KIAA0825: variants seen among roughly 807,000 people sequenced by gnomAD.
The protein encoded by KIAA0825 is KIAA0825, also known as uncharacterized protein KIAA0825.
In KIAA0825, 119 loss-of-function variants were observed where a neutral mutation model predicts 147.6. The observed-to-expected ratio is 0.81, with a 90% confidence interval of 0.69 to 0.94. KIAA0825 has a LOEUF of 0.94. Among genes scored for constraint, KIAA0825 ranks in the 40% least tolerant of loss-of-function variants. KIAA0825 has a pLI of 0.00. For synonymous variants in KIAA0825, 470 were observed against 518.1 expected (o/e 0.91, Z 1.26); for missense variants, 1,381 against 1,472.7 (o/e 0.94, Z 1.02).
At chr5:94,265,788 G>A (rs1179935131) in intron 20 of KIAA0825, among the ~76,000 whole-genome samples, 2 of 152,116 alleles carry the variant, frequency 1.3e-5, no homozygotes, top group Non-Finnish European at 2.9e-5. Context: ...GTGACAGGGC[G>A]AGACTCCATC....
At chr5:94,610,265 C>T (rs1463698354) in intron 1 of KIAA0825, among the ~76,000 whole-genome samples, 1 of 149,534 alleles carries the variant, frequency 6.7e-6, no homozygotes, top group Admixed American at 6.7e-5. Context: ...ACTAAAAATA[C>T]AAAAATTAGC....
chr5:94,434,022 G>A (rs1284442096), intron 14 of KIAA0825, among the ~76,000 whole-genome samples: 1 of 152,024 alleles, frequency 6.6e-6, no homozygotes, highest in African/African-American at 2.4e-5. Flanking sequence ...AATTGCCTTG[G>A]GTGTCAAAAG....
intron 20 of KIAA0825, among the ~76,000 whole-genome samples, chr5:94,250,816 T>C (rs1775918075): frequency 1.3e-5 from 2 of 152,170 alleles, no homozygotes; most frequent in African/African-American, 4.8e-5. Flanking sequence ...AAGACATTTC[T>C]ACATATCCAA....
chr5:94,391,537 C>A lies in KIAA0825; in HGVS notation c.3454G>T (p.Glu1152Ter), dbSNP rs1207843276. ...CGATAAAAAGGCCGTTTCCCTACCT[C>A]ATTGAGCTGCATGATGTGATAAATT... ...RQIYHIMQLN[E>*]EYLKEQLFSM... Residue 1152 changes from glutamate (E) to a stop codon, truncating the protein, a stop_gained and splice_region_variant, in exon 18 of 21, where the codon GAG becomes TAG. Coordinates refer to ENST00000682413, the MANE Select transcript of KIAA0825 (RefSeq NM_001145678.3). LOFTEE classifies it high-confidence loss of function. 1.3e-6 allele frequency: 2 copies of A among 1,549,700 alleles called. No individual in the cohort carries two copies. Among genetic ancestry groups the A allele is most frequent in the East Asian group, 2.4e-5 (1 of 40,918 alleles).
intron 2 of KIAA0825, among the ~76,000 whole-genome samples, chr5:94,551,458 A>C (rs1475118645): frequency 6.6e-6 from 1 of 152,114 alleles, no homozygotes; most frequent in Non-Finnish European, 1.5e-5. Context: ...AATTCTAAAA[A>C]CGGCAAGAGA....
At chr5:94,569,144 T>C (rs57415386) in intron 2 of KIAA0825, 79,870 of 183,106 alleles carry the variant, frequency 0.44, 18,199 homozygotes, top group African/African-American at 0.51. Context: ...CCATCATATT[T>C]TTTTACCCAT....
chr5:94,503,988 T>A (rs1358027225), intron 5 of KIAA0825, among the ~76,000 whole-genome samples: 1 of 152,082 alleles, frequency 6.6e-6, no homozygotes, highest in African/African-American at 2.4e-5. Flanking sequence ...AGAACAATGA[T>A]CATAGACATG....
chr5:94,307,694 C>T (rs1778836609), intron 20 of KIAA0825, among the ~76,000 whole-genome samples: 1 of 151,722 alleles, frequency 6.6e-6, no homozygotes, highest in Non-Finnish European at 1.5e-5. Context: ...TCAAATTCTA[C>T]TTCTTCCCAG....
At chr5:94,465,381 G>A (rs1354013527) in intron 10 of KIAA0825, among the ~76,000 whole-genome samples, 1 of 152,140 alleles carries the variant, frequency 6.6e-6, no homozygotes, top group East Asian at 1.9e-4. Context: ...AGCCATGCTA[G>A]CTTGTTTAAG....
chr5:94,219,062 T>C (rs1773454138), intron 20 of KIAA0825, among the ~76,000 whole-genome samples: 2 of 152,284 alleles, frequency 1.3e-5, no homozygotes, highest in Middle Eastern at 6.8e-3. Flanking sequence ...ACTGGTTTTG[T>C]AGAAGACAAT....
At position 94,465,004 on chromosome 5, in the gene KIAA0825, T is replaced by C. The variant is rs1386894963; in HGVS notation, c.1928A>G (p.His643Arg). 1.3e-6 allele frequency: 2 copies of C among 1,551,574 alleles called. No homozygotes were observed. The highest frequency in any genetic ancestry group is 2.7e-5 in the African/African-American group (2 of 73,060). The change falls in exon 11 of 21, where the codon CAT (histidine) becomes CGT (arginine). Residue 643 changes from histidine (H) to arginine (R), a missense_variant. His to Arg is a conservative substitution (Grantham distance 29). Coordinates refer to ENST00000682413, the MANE Select transcript of KIAA0825 (RefSeq NM_001145678.3). ...QMWHYFCWSL[H>R]YDLWTILPPK... is the part of the protein sequence containing the mutation. The stretch of plus-strand genomic sequence containing the variant: ...AGGCAGAATGGTCCAGAGATCGTAA[T>C]GAAGAGACCAGCAGAAATAATGCCA...
chr5:94,457,534 C>T (rs1759264886), intron 12 of KIAA0825, among the ~76,000 whole-genome samples: 1 of 152,168 alleles, frequency 6.6e-6, no homozygotes, highest in African/African-American at 2.4e-5. Flanking sequence ...CTAGCTATGC[C>T]CCTTCCTTGC....
chr5:94,249,612 C>T (rs1398778331), intron 20 of KIAA0825, among the ~76,000 whole-genome samples: 1 of 152,034 alleles, frequency 6.6e-6, no homozygotes, highest in African/African-American at 2.4e-5. Flanking sequence ...ATTCCCACCC[C>T]AGGGCTCTGA....
Position 94,417,231 on chromosome 5 carries a change from G to A in KIAA0825, c.2632C>T (p.Gln878Ter). ...NVFVSYMEEEQLWDFLYNIPV... is the reference protein window; with the variant it reads ...NVFVSYMEEE ...ATGTTATATAAAAAGTCCCATAATT[G>A]CTCTTCTTCCATGTAGCTCACAAAA... Residue 878 changes from glutamine to a stop codon, truncating the protein, a stop_gained, in exon 15 of 21, where the codon CAA becomes TAA. Transcript: ENST00000682413. LOFTEE classifies it high-confidence loss of function. The A allele has an allele frequency of 6.4e-7, 1 of 1,550,784 alleles. No individual in the cohort carries two copies. The highest frequency in any genetic ancestry group is 8.7e-7 in the Non-Finnish European group (1 of 1,146,470).
chr5:94,395,124 T>A (rs1750466018), intron 17 of KIAA0825, among the ~76,000 whole-genome samples: 1 of 152,174 alleles, frequency 6.6e-6, no homozygotes, highest in Non-Finnish European at 1.5e-5. Flanking sequence ...ATTCTGTCAG[T>A]GTGGTATCAT....
chr5:94,453,815 T>C (rs943484492), intron 12 of KIAA0825, among the ~76,000 whole-genome samples: 3 of 152,166 alleles, frequency 2.0e-5, no homozygotes, highest in Non-Finnish European at 4.4e-5. Flanking sequence ...GTTATTTTCT[T>C]CAACCTGGAT....
intron 20 of KIAA0825, among the ~76,000 whole-genome samples, chr5:94,198,556 C>T (rs1038674602): frequency 2.0e-5 from 3 of 151,810 alleles, no homozygotes; most frequent in African/African-American, 7.3e-5. Flanking sequence ...AATGAGAACA[C>T]AGGGACACAG....
At chr5:94,588,018 C>A in intron 1 of KIAA0825, among the ~76,000 whole-genome samples, 1 of 152,160 alleles carries the variant, frequency 6.6e-6, no homozygotes, top group African/African-American at 2.4e-5. Flanking sequence ...TGGATCCCTT[C>A]CTTACATCTG....
intron 20 of KIAA0825, among the ~76,000 whole-genome samples, chr5:94,266,967 A>G (rs1776763967): frequency 6.6e-6 from 1 of 152,206 alleles, no homozygotes; most frequent in African/African-American, 2.4e-5. Context: ...TAGATGTTCA[A>G]TAAATATCTG....
Sources: allele counts gnomAD v4.1 joint callset (sites outside exome capture counted in the v4.1 genomes callset), GRCh38; gene constraint gnomAD v4.1.1; transcripts MANE v1.5; gene names NCBI Gene and HGNC (gene_info 2026-07-23, HGNC 2026-07-21).